The following TMED3 variants were observed in gnomAD, a reference collection of about 807,000 sequenced individuals.
TMED3 encodes the protein transmembrane p24 trafficking protein 3.
TMED3 carries 9 observed loss-of-function variants against 15.0 expected under a neutral mutation model. That is an observed-to-expected ratio of 0.60 (90% CI 0.36 to 1.04). The LOEUF is 1.04. Ranked by LOEUF, TMED3 falls within the 50% of genes least tolerant of loss-of-function variation. The pLI is 0.01. For synonymous variants in TMED3, 117 were observed against 121.4 expected, an observed-to-expected ratio of 0.96 and a Z score of 0.24; for missense variants, 267 against 278.9, an observed-to-expected ratio of 0.96 and a Z score of 0.30.
At chr15:79,407,928 G>T (rs767102728) in intron 2 of TMED3, among the ~76,000 whole-genome samples, 19 of 152,180 alleles carry the variant, frequency 1.2e-4, no homozygotes, top group Non-Finnish European at 2.4e-4. Context: ...GAACCAGATT[G>T]GTTTTTGTTC....
intron 2 of TMED3, among the ~76,000 whole-genome samples, chr15:79,392,601 A>G (rs1225305220): frequency 2.6e-5 from 4 of 152,142 alleles, no homozygotes; most frequent in Non-Finnish European, 4.4e-5. Context: ...TGAATACAGT[A>G]GGCTAGTGTT....
In TMED3 at chr15:79,311,122, G is replaced by C; in HGVS notation, c.-128G>C. The C allele has an allele frequency of 9.5e-7, 1 of 1,052,440 alleles. No individual in the cohort carries two copies. Among genetic ancestry groups the C allele is most frequent in the Non-Finnish European group, 1.3e-6 (1 of 776,418 alleles). The allele number at this position is 1,052,440 out of a possible 1,614,324, so 65.2% of individuals were successfully genotyped here. ...CACTGAGCCGCCGGCCCTCCCGGAA[G>C]CGCAGAGCTCCGCTGGTGCCACGTC... On this transcript the variant is annotated 5_prime_UTR_variant, in exon 1 of 3. Coordinates refer to ENST00000299705, the MANE Select transcript of TMED3 (RefSeq NM_007364.4).
intron 2 of TMED3, among the ~76,000 whole-genome samples, chr15:79,353,317 A>T (rs368385550): frequency 1.3e-4 from 6 of 46,090 alleles, no homozygotes; most frequent in African/African-American, 3.3e-4. Context: ...TTATATATAT[A>T]ATATATATAA....
chr15:79,349,072 A>C (rs545065225), intron 2 of TMED3, among the ~76,000 whole-genome samples: 1 of 152,242 alleles, frequency 6.6e-6, no homozygotes, highest in East Asian at 1.9e-4. Context: ...TCCTGGGCTC[A>C]AGTGATCCAC....
At chr15:79,408,334 T>A (rs1893928144) in intron 2 of TMED3, among the ~76,000 whole-genome samples, 1 of 152,170 alleles carries the variant, frequency 6.6e-6, no homozygotes, top group Non-Finnish European at 1.5e-5. Flanking sequence ...GTTCCTCCCA[T>A]CGGACGTATG....
At chr15:79,398,496 A>G (rs1363027425) in intron 2 of TMED3, among the ~76,000 whole-genome samples, 1 of 152,152 alleles carries the variant, frequency 6.6e-6, no homozygotes, top group Non-Finnish European at 1.5e-5. Flanking sequence ...TGACGGCCTT[A>G]GAGCCAGAGA....
chr15:79,382,916 C>T (rs2141250305), intron 2 of TMED3: 1 of 1,488,994 alleles, frequency 6.7e-7, no homozygotes, highest in Non-Finnish European at 9.1e-7. Flanking sequence ...TCTTTATTCC[C>T]ATTGACAAAG....
downstream of TMED3, among the ~76,000 whole-genome samples, chr15:79,327,105 C>A (rs2058790164): frequency 1.3e-5 from 2 of 152,172 alleles, no homozygotes; most frequent in Admixed American, 6.5e-5. Flanking sequence ...ATCAAGCCAT[C>A]CATGAGGGAT....
chr15:79,389,449 G>T (rs1595908926), intron 2 of TMED3, among the ~76,000 whole-genome samples: 1 of 152,172 alleles, frequency 6.6e-6, no homozygotes, highest in East Asian at 1.9e-4. Flanking sequence ...ATTGGCCTAT[G>T]TGCCTGTTTT....
Position 79,311,197 on chromosome 15 carries a change from C to T in TMED3, c.-53C>T. 2 of 1,534,708 alleles carry T rather than the reference C, an allele frequency of 1.3e-6. No individual in the cohort carries two copies. Among genetic ancestry groups the T allele is most frequent in the Non-Finnish European group, 1.7e-6 (2 of 1,147,138 alleles). ...CCGGTCGGTAGTCGTCGCCCCAGCCCGCCGGGGGCGCAGCGCCCGAGCCGC... is the reference window on the plus strand; with the variant it reads ...CCGGTCGGTAGTCGTCGCCCCAGCCTGCCGGGGGCGCAGCGCCCGAGCCGC... On this transcript the variant is annotated 5_prime_UTR_variant, in exon 1 of 3. Transcript: ENST00000299705.
At chr15:79,408,117 A>G (rs1893925904) in intron 2 of TMED3, among the ~76,000 whole-genome samples, 1 of 152,232 alleles carries the variant, frequency 6.6e-6, no homozygotes. Context: ...TTCAGTCCTC[A>G]ATATCCTGAC....
At position 79,311,226 on chromosome 15, in the gene TMED3, C is replaced by T; in HGVS notation, c.-24C>T. On this transcript the variant is annotated 5_prime_UTR_variant, in exon 1 of 3. Coordinates refer to ENST00000299705, the MANE Select transcript of TMED3 (RefSeq NM_007364.4). ...GGGGGCGCAGCGCCCGAGCCGCGGC[C>T]CTCGAGACGGGACCGAGAGCATCAT... is the stretch of plus-strand genomic sequence containing the variant. 6.3e-7 allele frequency: 1 copy of T among 1,578,248 alleles called. No individual in the cohort carries two copies. Among genetic ancestry groups the T allele is most frequent in the Non-Finnish European group, 8.6e-7 (1 of 1,166,834 alleles).
chr15:79,325,756 C>G (rs553091069), downstream of TMED3, among the ~76,000 whole-genome samples: 17 of 152,306 alleles, frequency 1.1e-4, no homozygotes, highest in African/African-American at 4.1e-4. Context: ...CAGCAGACCA[C>G]TGGTATAAGT....
intron 2 of TMED3, among the ~76,000 whole-genome samples, chr15:79,392,983 T>C (rs886677563): frequency 3.3e-5 from 5 of 152,200 alleles, no homozygotes; most frequent in African/African-American, 4.8e-5. Context: ...TCCCCAGAAG[T>C]GAAACTCAGT....
At chr15:79,340,434 C>T (rs1022917804) in intron 2 of TMED3, among the ~76,000 whole-genome samples, 1 of 152,210 alleles carries the variant, frequency 6.6e-6, no homozygotes, top group Non-Finnish European at 1.5e-5. Context: ...ATCTGGACTG[C>T]AATTTCTTGA....
chr15:79,394,880 C>T (rs1893743195), intron 2 of TMED3, among the ~76,000 whole-genome samples: 1 of 152,212 alleles, frequency 6.6e-6, no homozygotes, highest in African/African-American at 2.4e-5. Context: ...CTCTCTTCTT[C>T]CCCAAAGGTA....
At chr15:79,387,746 C>A (rs1485276820) in intron 2 of TMED3, among the ~76,000 whole-genome samples, 1 of 152,082 alleles carries the variant, frequency 6.6e-6, no homozygotes, top group African/African-American at 2.4e-5. Context: ...TTCCATTTAC[C>A]TGAGTCTTCT....
intron 2 of TMED3, among the ~76,000 whole-genome samples, chr15:79,317,546 CCA>C (rs1398368640): frequency 6.6e-6 from 1 of 152,214 alleles, no homozygotes; most frequent in Non-Finnish European, 1.5e-5. Context: ...ATGAGCCCTT[CCA>C]CAGTGTTCTC....
chr15:79,342,735 AAGT>A, intron 2 of TMED3, among the ~76,000 whole-genome samples: 1 of 152,216 alleles, frequency 6.6e-6, no homozygotes, highest in Non-Finnish European at 1.5e-5. Context: ...TTAATTAATT[AAGT>A]AGTTAATAAC....
Sources: gnomAD v4.1 joint callset for allele counts (sites outside exome capture counted in the v4.1 genomes callset) on GRCh38, gnomAD v4.1.1 for gene constraint, MANE v1.5 for transcripts, NCBI Gene and HGNC (gene_info 2026-07-23, HGNC 2026-07-21) for gene names.